USP40: variants seen among roughly 807,000 people sequenced by gnomAD.
USP40 encodes the protein ubiquitin carboxyl-terminal hydrolase 40.
USP40 carries 143 observed loss-of-function variants against 166.2 expected under a neutral mutation model. The ratio of observed to expected loss-of-function variants is 0.86; its 90% CI spans 0.75 to 0.99. The LOEUF (loss-of-function observed/expected upper bound fraction) is 0.99. Among genes scored for constraint, USP40 ranks in the 50% least tolerant of loss-of-function variants. USP40 has a pLI of 0.00. For synonymous variants in USP40, 498 were observed against 524.0 expected (o/e 0.95, Z 0.68); for missense variants, 1,444 against 1,479.7 (o/e 0.98, Z 0.40).
intron 3 of USP40, among the ~76,000 whole-genome samples, chr2:233,562,529 C>G (rs2071732634): frequency 7.2e-6 from 1 of 139,826 alleles, no homozygotes; most frequent in African/African-American, 2.7e-5. Flanking sequence ...AACACATGGA[C>G]ACAGGAAGGG....
chr2:233,564,421 A>G (rs2125414014), intron 2 of USP40, among the ~76,000 whole-genome samples: 1 of 152,300 alleles, frequency 6.6e-6, no homozygotes. Context: ...TCACGGGAAC[A>G]CAGCTCCTAG....
chr2:233,555,917 A>C (rs537933128), intron 5 of USP40, among the ~76,000 whole-genome samples: 1 of 152,164 alleles, frequency 6.6e-6, no homozygotes, highest in African/African-American at 2.4e-5. Flanking sequence ...GATCGAGACC[A>C]TCCTGGCTAA....
In USP40 at chr2:233,560,062, A is replaced by C. The variant is rs547017842; in HGVS notation, c.268-138T>G. The stretch of plus-strand genomic sequence containing the variant: ...TTATAAATATCCTATTATAAGGGAA[A>C]AACTAATTATGATTCAGTTCTTCTG... On this transcript the variant is annotated intron_variant, in intron 3 of 31. Transcript: ENST00000678225. 125 of 547,464 alleles carry C rather than the reference A, an allele frequency of 2.3e-4. 1 individual carries two copies. The African/African-American group carries it at 2.3e-3, about 10-fold the overall frequency. 33.9% of individuals were successfully genotyped at this position (547,464 alleles called of 1,614,324 possible).
rs1456390130 is a variant in USP40 at position 233,498,557 on chromosome 2, T to A, written c.2706A>T (p.Leu902Phe). 1 of 1,613,272 alleles carries A rather than the reference T, an allele frequency of 6.2e-7. No homozygotes were observed. Among genetic ancestry groups the A allele is most frequent in the Non-Finnish European group, 8.5e-7 (1 of 1,179,554 alleles). ...ATAGAAATCATCTTACTTCTTCACA[T>A]AAAGGCTCTCCAGCTTCATAGCACC... ...MDWCYEAGEP[L>F]CEEDATLKEL... is the part of the protein sequence containing the mutation. The change falls in exon 23 of 32, where the codon TTA (leucine) becomes TTT (phenylalanine). Residue 902 changes from leucine to phenylalanine, a missense_variant. By Grantham distance (22) the Leu-to-Phe change is conservative. Transcript: ENST00000678225.
At chr2:233,510,392 C>CTTTTTTTTTTTTTTTTTTTTTTTT (rs1158427662) in intron 20 of USP40, among the ~76,000 whole-genome samples, 1 of 68,682 alleles carries the variant, frequency 1.5e-5, no homozygotes, top group African/African-American at 6.8e-5. Context: ...CTTTTTCTTT[C>CTTTTTTTTTTTTTTTTTTTTTTTT]TTTTTTTTTT....
chr2:233,525,076 C>T (rs769304285), intron 14 of USP40, among the ~76,000 whole-genome samples: 12 of 152,222 alleles, frequency 7.9e-5, no homozygotes, highest in Non-Finnish European at 1.3e-4. Context: ...TGCTTTCAAA[C>T]TCTCAAAGTA....
Position 233,485,941 on chromosome 2 carries a change from G to A in USP40, c.3234C>T (p.Ile1078=). ...CAGGGGCATAGGTCCTCTCACCAGG[G>A]ATGCGCACCTGTGTCCTCAGCAGCA... ...QDVLLRTQVR[I]PGERTYAPAL... Residue 1078 remains isoleucine (I), a synonymous_variant, in exon 29 of 32, where the codon ATC becomes ATT. Coordinates refer to ENST00000678225, the MANE Select transcript of USP40 (RefSeq NM_001365479.2). 5 of 1,595,080 alleles carry A rather than the reference G, an allele frequency of 3.1e-6. No homozygotes were observed. Among genetic ancestry groups the A allele is most frequent in the Non-Finnish European group, 3.4e-6 (4 of 1,172,012 alleles).
intron 20 of USP40, 50 bp downstream of exon 20, chr2:233,511,659 C>T (rs1294127570): frequency 3.4e-6 from 5 of 1,458,532 alleles, no homozygotes; most frequent in Non-Finnish European, 3.8e-6. Context: ...AGTTATAATT[C>T]TGGTTATGGA....
At chr2:233,520,419 G>A (rs1208127499) in intron 17 of USP40, among the ~76,000 whole-genome samples, 1 of 151,724 alleles carries the variant, frequency 6.6e-6, no homozygotes, top group Non-Finnish European at 1.5e-5. Flanking sequence ...ATTCTAGTAA[G>A]TTTCAACTTG....
At chr2:233,534,371 G>A (rs1267470938) in intron 10 of USP40, among the ~76,000 whole-genome samples, 3 of 152,140 alleles carry the variant, frequency 2.0e-5, no homozygotes. Flanking sequence ...TCCATTGCCT[G>A]TCTCTACCTC....
chr2:233,498,572 T>C lies in USP40; in HGVS notation c.2691A>G (p.Glu897=). 1 of 1,613,448 alleles carries C rather than the reference T, an allele frequency of 6.2e-7. No individual in the cohort carries two copies. The highest frequency in any genetic ancestry group is 8.5e-7 in the Non-Finnish European group (1 of 1,179,626). Residue 897 remains glutamate (E), a synonymous_variant, in exon 23 of 32, where the codon GAA becomes GAG. Transcript: ENST00000678225. ...WHLRKMDWCY[E]AGEPLCEEDA... is the part of the protein sequence containing the mutation. ...CTTCTTCACATAAAGGCTCTCCAGCTTCATAGCACCAATCCATTTTTCGTA... is the reference window on the plus strand; with the variant it reads ...CTTCTTCACATAAAGGCTCTCCAGCCTCATAGCACCAATCCATTTTTCGTA...
rs1276530947 is a variant in USP40, at chr2:233,486,968, T to C, written c.3198-991A>G. ...GAAACAGGAGGGACTAGAGGCCTCC[T>C]TGAGAGCAGGAGTGCCCTGGAAGTT... On this transcript the variant is annotated intron_variant, in intron 28 of 31. Coordinates refer to ENST00000678225, the MANE Select transcript of USP40 (RefSeq NM_001365479.2). This position sits in a 1 kb window ranked among gnomAD's most constrained non-coding sequence, Gnocchi z 4.0. 3.9e-5 allele frequency among the ~76,000 whole-genome samples: 6 copies of C among 152,136 alleles called. No individual in the cohort carries two copies. The highest frequency in any genetic ancestry group is 2.6e-4 in the Admixed American group (4 of 15,274).
intron 8 of USP40, among the ~76,000 whole-genome samples, chr2:233,543,692 C>A (rs1447294343): frequency 6.6e-6 from 1 of 152,212 alleles, no homozygotes; most frequent in Non-Finnish European, 1.5e-5. Context: ...CAAGTCCTCA[C>A]AGACACAAAA....
At chr2:233,554,553 A>T (rs752896968) in intron 5 of USP40, 27 bp from the exon 6 acceptor site, 1 of 1,570,226 alleles carries the variant, frequency 6.4e-7, no homozygotes, top group East Asian at 2.3e-5. Flanking sequence ...TATAATATTG[A>T]AAAACAATTT....
chr2:233,504,563 T>C (rs892473556), intron 21 of USP40, among the ~76,000 whole-genome samples: 3 of 152,178 alleles, frequency 2.0e-5, no homozygotes, highest in Admixed American at 6.5e-5. Flanking sequence ...ATGGTCATTG[T>C]AGAAGAAGGT....
intron 8 of USP40, among the ~76,000 whole-genome samples, chr2:233,543,592 AGT>A (rs1559272440): frequency 6.6e-6 from 1 of 152,234 alleles, no homozygotes; most frequent in Non-Finnish European, 1.5e-5. Flanking sequence ...GAATGGGAGT[AGT>A]GCCTTTATAA....
chr2:233,531,287 C>T (rs1335297803), intron 11 of USP40, among the ~76,000 whole-genome samples: 1 of 152,154 alleles, frequency 6.6e-6, no homozygotes, highest in Non-Finnish European at 1.5e-5. Flanking sequence ...TATGTTTTTA[C>T]TGATACAGCA....
At chr2:233,556,274 T>A (rs1263976478) in intron 5 of USP40, among the ~76,000 whole-genome samples, 1 of 135,710 alleles carries the variant, frequency 7.4e-6, no homozygotes. Context: ...TACATTTACA[T>A]GAGCAAATTT....
At chr2:233,479,975 C>T (rs995821038) in intron 31 of USP40, among the ~76,000 whole-genome samples, 8 of 152,294 alleles carry the variant, frequency 5.3e-5, no homozygotes, top group African/African-American at 1.4e-4. Flanking sequence ...TCTCCTCGCT[C>T]GGCTCCCTGA....
Sources: allele counts gnomAD v4.1 joint callset (sites outside exome capture counted in the v4.1 genomes callset), GRCh38; gene constraint gnomAD v4.1.1; non-coding constraint Gnocchi (gnomAD v3.1); transcripts MANE v1.5; gene names NCBI Gene and HGNC (gene_info 2026-07-23, HGNC 2026-07-21).